The following PCDH15 variants were observed in gnomAD, a reference collection of about 807,000 sequenced individuals.
PCDH15 encodes protocadherin related 15.
PCDH15 carries 129 observed loss-of-function variants against 178.5 expected under a neutral mutation model. That is an observed-to-expected ratio of 0.72 (90% CI 0.63 to 0.84). The LOEUF (loss-of-function observed/expected upper bound fraction) is 0.84. PCDH15 is among the 40% of genes least tolerant of loss of function. PCDH15 has a pLI of 0.00. For synonymous variants in PCDH15, 800 were observed against 732.0 expected (o/e 1.09, Z -1.50); for missense variants, 2,230 against 2,099.9 (o/e 1.06, Z -1.21).
chr10:54,798,107 T>C (rs1314886541), intron 1 of PCDH15, among the ~76,000 whole-genome samples: 1 of 152,070 alleles, frequency 6.6e-6, no homozygotes, highest in African/African-American at 2.4e-5. Flanking sequence ...TTACAGTTTC[T>C]GGGTGATTTA....
At chr10:54,927,827 A>T (rs1837672031) in intron 2 of PCDH15, among the ~76,000 whole-genome samples, 1 of 152,004 alleles carries the variant, frequency 6.6e-6, no homozygotes, top group African/African-American at 2.4e-5. Flanking sequence ...GCCTGTGGGT[A>T]TCACTGCATA....
At chr10:54,792,287 G>A (rs763355749) in intron 1 of PCDH15, among the ~76,000 whole-genome samples, 1 of 151,992 alleles carries the variant, frequency 6.6e-6, no homozygotes, top group South Asian at 2.1e-4. Context: ...TACCCCACTA[G>A]TGACTTCAGC....
chr10:54,757,431 C>A (rs1392042015), intron 1 of PCDH15, among the ~76,000 whole-genome samples: 1 of 88,310 alleles, frequency 1.1e-5, no homozygotes, highest in Non-Finnish European at 2.4e-5. Flanking sequence ...TACAGGCGCG[C>A]GCCACCATGC....
At chr10:53,847,175 A>G (rs1564600873) in intron 28 of PCDH15, among the ~76,000 whole-genome samples, 1 of 152,084 alleles carries the variant, frequency 6.6e-6, no homozygotes, top group Non-Finnish European at 1.5e-5. Context: ...TTAAATGCAC[A>G]AAAATCTAAC....
intron 2 of PCDH15, among the ~76,000 whole-genome samples, chr10:54,966,716 TA>T (rs1031426815): frequency 5.9e-5 from 9 of 152,078 alleles, no homozygotes; most frequent in African/African-American, 2.2e-4. Flanking sequence ...CTGATGTTTT[TA>T]TAAGTGGTTT....
At chr10:54,977,397 C>T (rs563416115) in intron 2 of PCDH15, among the ~76,000 whole-genome samples, 1 of 152,162 alleles carries the variant, frequency 6.6e-6, no homozygotes, top group Non-Finnish European at 1.5e-5. Context: ...ATCATCCTCA[C>T]TGCTGATTAT....
intron 16 of PCDH15, among the ~76,000 whole-genome samples, chr10:54,087,872 C>G (rs971347145): frequency 6.6e-6 from 1 of 152,136 alleles, no homozygotes; most frequent in Non-Finnish European, 1.5e-5. Flanking sequence ...TGGTCCTGCT[C>G]TCTTGATAGA....
intron 2 of PCDH15, among the ~76,000 whole-genome samples, chr10:54,633,120 A>G (rs576119064): frequency 6.6e-6 from 1 of 152,262 alleles, no homozygotes; most frequent in South Asian, 2.1e-4. Flanking sequence ...GACTGAAAAA[A>G]AGCCCAAGTA....
rs1484114119 is a variant in PCDH15 at position 54,195,809 on chromosome 10, T to C, written c.1179A>G (p.Pro393=). ...IEILDENNQS[P]YFTMPSYQGY... ...CTTGATAACTGGGCATTGTAAAATA[T>C]GGACTTTGATTGTTTTCATCCAGTA... The change falls in exon 11 of 38, where the codon CCA becomes CCG. Residue 393 remains proline (P), a synonymous_variant. Transcript: ENST00000644397. The C allele has an allele frequency of 3.7e-6, 6 of 1,613,916 alleles. No homozygotes were observed. The highest frequency in any genetic ancestry group is 1.7e-5 in the Admixed American group (1 of 60,002).
At chr10:54,253,270 G>A (rs1052844205) in intron 8 of PCDH15, among the ~76,000 whole-genome samples, 2 of 151,944 alleles carry the variant, frequency 1.3e-5, no homozygotes, top group Non-Finnish European at 2.9e-5. Context: ...ATATAGGCGA[G>A]AATATTAAAG....
At chr10:54,396,950 C>T (rs1951310102) in intron 3 of PCDH15, among the ~76,000 whole-genome samples, 1 of 151,636 alleles carries the variant, frequency 6.6e-6, no homozygotes, top group Admixed American at 6.6e-5. Context: ...ATCTTATTTT[C>T]CCTCAATATT....
intron 2 of PCDH15, among the ~76,000 whole-genome samples, chr10:55,050,315 A>G (rs1841127403): frequency 6.6e-6 from 1 of 151,996 alleles, no homozygotes; most frequent in South Asian, 2.1e-4. Flanking sequence ...GACACTAATA[A>G]TTGTATCTAA....
At chr10:54,406,089 T>C (rs1381571727) in intron 3 of PCDH15, among the ~76,000 whole-genome samples, 1 of 152,100 alleles carries the variant, frequency 6.6e-6, no homozygotes, top group Non-Finnish European at 1.5e-5. Context: ...ATGGAACAGA[T>C]CTGCGTACTA....
At chr10:54,912,595 G>T (rs777667449) in intron 2 of PCDH15, among the ~76,000 whole-genome samples, 31 of 152,152 alleles carry the variant, frequency 2.0e-4, no homozygotes, top group Non-Finnish European at 4.4e-4. Context: ...AAATTATCCA[G>T]TGGGGACTCA....
intron 21 of PCDH15, among the ~76,000 whole-genome samples, chr10:53,968,091 T>C (rs1199090832): frequency 6.6e-6 from 1 of 152,128 alleles, no homozygotes; most frequent in Non-Finnish European, 1.5e-5. Context: ...TTGTGGAATT[T>C]CCTTTCCTAG....
rs572597685 is a variant in PCDH15, at chr10:55,203,221, C to T, written c.-155-36570G>A. ...GATGAGTGTCAGCTCTGTAGGGCTT[C>T]TCTTTTACACTTCTAATTCCATAAA... On this transcript the variant is annotated intron_variant, in intron 1 of 5. Transcript: ENST00000458638. Among the ~76,000 whole-genome samples, 30 of 152,142 alleles carry T rather than the reference C, an allele frequency of 2.0e-4. No individual in the cohort carries two copies. In the Middle Eastern group the frequency reaches 0.01, roughly 52 times the overall value.
intron 2 of PCDH15, among the ~76,000 whole-genome samples, chr10:55,338,926 T>C (rs1272388040): frequency 6.6e-6 from 1 of 151,884 alleles, no homozygotes; most frequent in Non-Finnish European, 1.5e-5. Context: ...AAGCTAAAAA[T>C]AAAGAAGAAG....
intron 20 of PCDH15, among the ~76,000 whole-genome samples, chr10:54,013,479 A>G (rs2092651690): frequency 6.6e-6 from 1 of 152,186 alleles, no homozygotes; most frequent in Non-Finnish European, 1.5e-5. Context: ...CACATGGCAC[A>G]TACTTTAAAA....
intron 1 of PCDH15, among the ~76,000 whole-genome samples, chr10:55,197,861 T>C (rs1458607120): frequency 1.3e-5 from 2 of 152,158 alleles, no homozygotes; most frequent in African/African-American, 4.8e-5. Flanking sequence ...ACCATACTTA[T>C]ATATCAATGT....
Sources: allele counts gnomAD v4.1 joint callset (sites outside exome capture counted in the v4.1 genomes callset), GRCh38; gene constraint gnomAD v4.1.1; transcripts MANE v1.5; gene names NCBI Gene and HGNC (gene_info 2026-07-23, HGNC 2026-07-21).